Variants in IL6 observed in about 807,000 individuals in gnomAD.
IL6 encodes interleukin-6.
Under a neutral mutation model 18.0 loss-of-function variants are expected in IL6, and 5 were observed. That is an observed-to-expected ratio of 0.28 (90% CI 0.15 to 0.58). IL6 has a LOEUF of 0.58. Ranked by LOEUF, IL6 falls within the 20% of genes least tolerant of loss-of-function variation. The pLI is 0.90. For synonymous variants in IL6, 97 were observed against 95.1 expected, an observed-to-expected ratio of 1.02 and a Z score of -0.12; for missense variants, 266 against 251.0, an observed-to-expected ratio of 1.06 and a Z score of -0.40.
chr7:22,728,881 C>T (rs1784068181), intron 3 of IL6, 75 bp downstream of exon 3: 4 of 810,688 alleles, frequency 4.9e-6, no homozygotes, highest in Admixed American at 3.6e-5. Flanking sequence ...TGCCTGTATA[C>T]ATATAGATCC....
Position 22,729,621 on chromosome 7 carries a change from G to A in IL6, c.432G>A (p.Gln144=), listed in dbSNP as rs1583434345. The change falls in exon 4 of 5, where the codon CAG becomes CAA. Residue 144 remains glutamine (Q), a synonymous_variant. Transcript: ENST00000258743. Reference sequence around the variant, plus strand: ...GTGAGGAACAAGCCAGAGCTGTGCAGATGAGTACAAAAGTCCTGATCCAGT... The same window carrying A: ...GTGAGGAACAAGCCAGAGCTGTGCAAATGAGTACAAAAGTCCTGATCCAGT... ...ESSEEQARAV[Q]MSTKVLIQFL... is the part of the protein sequence containing the mutation. The A allele has an allele frequency of 1.2e-6, 2 of 1,614,184 alleles. No individual in the cohort carries two copies. Among genetic ancestry groups the A allele is most frequent in the East Asian group, 2.2e-5 (1 of 44,882 alleles).
chr7:22,729,331 G>A (rs1019742048), intron 3 of IL6, among the ~76,000 whole-genome samples, 183 bp from the exon 4 acceptor site: 3 of 152,126 alleles, frequency 2.0e-5, no homozygotes, highest in Non-Finnish European at 4.4e-5. Flanking sequence ...AATTACATGG[G>A]GCCTCTGATT....
intron 2 of IL6, among the ~76,000 whole-genome samples, chr7:22,728,274 A>G (rs1399404351): frequency 2.0e-5 from 3 of 152,174 alleles, no homozygotes; most frequent in Non-Finnish European, 1.5e-5. Context: ...TCTGGACTCC[A>G]TCAGTAAAAT....
chr7:22,730,144 A>G lies in IL6; in HGVS notation c.471+484A>G, dbSNP rs989356006. The G allele has an allele frequency of 3.0e-6, 3 of 985,320 alleles. No individual in the cohort carries two copies. In the African/African-American group the frequency reaches 5.2e-5, roughly 17 times the overall value. The allele number at this position is 985,320 out of a possible 1,614,324, so 61.0% of individuals were successfully genotyped here. On this transcript the variant is annotated intron_variant, in intron 4 of 4. Coordinates refer to ENST00000258743, the MANE Select transcript of IL6 (RefSeq NM_000600.5). ...TGGTCAGAGACTCAAGGGTGGAAAG[A>G]GGTACCAAAGGCTTTGGCCACCAGT...
chr7:22,727,468 C>G lies in IL6; in HGVS notation c.44C>G (p.Ser15Cys), dbSNP rs1337461123. 5.6e-6 allele frequency: 9 copies of G among 1,614,088 alleles called. No individual in the cohort carries two copies. The highest frequency in any genetic ancestry group is 1.6e-4 in the Middle Eastern group (1 of 6,062). ...STSAFGPVAF[S>C]LGLLLVLPAA... ...GGCGCCTTCGGTCCAGTTGCCTTCT[C>G]CCTGGGGCTGCTCCTGGTGTTGCCT... Residue 15 changes from serine (S) to cysteine (C), a missense_variant, in exon 2 of 5, where the codon TCC becomes TGC. By Grantham distance (112) the Ser-to-Cys change is moderately radical. Transcript: ENST00000258743.
chr7:22,728,420 G>T, intron 2 of IL6: 1 of 424,148 alleles, frequency 2.4e-6, no homozygotes, highest in Non-Finnish European at 4.3e-6. Context: ...TAAATATTGT[G>T]TCTAATCTTC....
At chr7:22,727,760 G>T in intron 2 of IL6, 126 bp downstream of exon 2, 1 of 1,000,606 alleles carries the variant, frequency 1.0e-6, no homozygotes, top group Non-Finnish European at 1.4e-6. Context: ...TAGATTTGAG[G>T]CCAACGGGGC....
chr7:22,731,604 G>C lies in IL6; in HGVS notation c.*31G>C, dbSNP rs200852701. The C allele has an allele frequency of 6.5e-7, 1 of 1,531,120 alleles. No homozygotes were observed. The highest frequency in any genetic ancestry group is 1.4e-5 in the African/African-American group (1 of 73,476). 94.8% of individuals were successfully genotyped at this position (1,531,120 alleles called of 1,614,324 possible). A position where few individuals can be genotyped will look rare whatever the true frequency, so the allele number is the denominator to read the frequency against. Reference sequence around the variant, plus strand: ...GCACCTCAGATTGTTGTTGTTAATGGGCATTCCTTCTTCTGGTCAGAAACC... The same window carrying C: ...GCACCTCAGATTGTTGTTGTTAATGCGCATTCCTTCTTCTGGTCAGAAACC... On this transcript the variant is annotated 3_prime_UTR_variant, in exon 5 of 5. Transcript: ENST00000258743.
At chr7:22,730,823 G>A (rs1784111510) in intron 4 of IL6, among the ~76,000 whole-genome samples, 2 of 152,060 alleles carry the variant, frequency 1.3e-5, no homozygotes, top group Admixed American at 6.6e-5. Flanking sequence ...GACCAGCCTG[G>A]ATAACATAGC....
intron 2 of IL6, chr7:22,728,451 G>GT: frequency 2.1e-6 from 1 of 483,224 alleles, no homozygotes; most frequent in Non-Finnish European, 3.7e-6. Context: ...TGCAAGGAAG[G>GT]TTTTTGGAGA....
At chr7:22,730,245 C>T in intron 4 of IL6, 1 of 985,352 alleles carries the variant, frequency 1.0e-6, no homozygotes, top group Non-Finnish European at 1.2e-6. Flanking sequence ...AAGAAGGGGC[C>T]TAGAATGAAA....
At chr7:22,729,425 G>T in intron 3 of IL6, 89 bp from the exon 4 acceptor site, 4 of 1,282,220 alleles carry the variant, frequency 3.1e-6, no homozygotes, top group Non-Finnish European at 4.4e-6. Flanking sequence ...GGAGCAGAGG[G>T]AAAAGATGTC....
At chr7:22,728,020 C>T (rs992218790) in intron 2 of IL6, among the ~76,000 whole-genome samples, 4 of 152,176 alleles carry the variant, frequency 2.6e-5, no homozygotes, top group Admixed American at 6.5e-5. Flanking sequence ...AGTTGCAGTA[C>T]TTTTTGGTTA....
chr7:22,729,786 A>C, intron 4 of IL6, 126 bp downstream of exon 4: 9 of 1,557,724 alleles, frequency 5.8e-6, no homozygotes, highest in Non-Finnish European at 7.0e-6. Context: ...AAAGAGTCTG[A>C]GAAATAGTTT....
At chr7:22,729,852 C>A in intron 4 of IL6, 192 bp downstream of exon 4, 2 of 1,473,298 alleles carry the variant, frequency 1.4e-6, no homozygotes, top group South Asian at 1.4e-5. Context: ...CTCTCTTCTG[C>A]AAAGGACATC....
At chr7:22,727,871 C>T (rs1784044582) in intron 2 of IL6, among the ~76,000 whole-genome samples, 1 of 152,288 alleles carries the variant, frequency 6.6e-6, no homozygotes, top group Non-Finnish European at 1.5e-5. Context: ...CCACCTTTGG[C>T]ATGAGCTGAG....
chr7:22,729,704 G>T (rs764836798), intron 4 of IL6, 44 bp downstream of exon 4: 14 of 1,613,778 alleles, frequency 8.7e-6, no homozygotes, highest in Admixed American at 3.3e-5. Flanking sequence ...GGGGAAGACA[G>T]GCTCAAAGAC....
chr7:22,730,639 G>A (rs953054595), intron 4 of IL6, among the ~76,000 whole-genome samples: 14 of 152,222 alleles, frequency 9.2e-5, no homozygotes, highest in African/African-American at 3.4e-4. Flanking sequence ...CTTTAAGTAT[G>A]GGCTCTTCAT....
intron 4 of IL6, among the ~76,000 whole-genome samples, chr7:22,730,720 A>T (rs576745033): frequency 6.6e-6 from 1 of 152,178 alleles, no homozygotes; most frequent in Non-Finnish European, 1.5e-5. Context: ...TAAGATAGTG[A>T]TGCTGGTCAG....
Sources: allele counts gnomAD v4.1 joint callset (sites outside exome capture counted in the v4.1 genomes callset), GRCh38; gene constraint gnomAD v4.1.1; transcripts MANE v1.5; gene names NCBI Gene and HGNC (gene_info 2026-07-23, HGNC 2026-07-21).